The following CPM variants were observed in gnomAD, a reference collection of about 807,000 sequenced individuals.
The protein encoded by CPM is carboxypeptidase M.
Under a neutral mutation model 46.4 loss-of-function variants are expected in CPM, and 35 were observed. The ratio of observed to expected loss-of-function variants is 0.75; its 90% CI spans 0.58 to 1.00. CPM has a LOEUF of 1.00. Ranked by LOEUF, CPM falls within the 50% of genes least tolerant of loss-of-function variation. CPM has a pLI of 0.00. For missense variants in CPM, 422 were observed against 530.4 expected, an observed-to-expected ratio of 0.80 and a Z score of 2.01; for synonymous variants, 195 against 195.3, an observed-to-expected ratio of 1.00 and a Z score of 0.01.
At chr12:68,875,603 C>T (rs574816332) in intron 3 of CPM, among the ~76,000 whole-genome samples, 7 of 151,752 alleles carry the variant, frequency 4.6e-5, no homozygotes, top group South Asian at 2.1e-4. Context: ...GTAGGGAGTT[C>T]GAGACGAGCC....
intron 7 of CPM, among the ~76,000 whole-genome samples, chr12:68,859,952 A>C (rs556509688): frequency 1.3e-5 from 2 of 152,306 alleles, no homozygotes; most frequent in South Asian, 4.1e-4. Context: ...CAATAACATA[A>C]ATGAGAATGA....
upstream of CPM, among the ~76,000 whole-genome samples, chr12:68,937,589 C>G (rs1278588875): frequency 2.6e-5 from 4 of 151,608 alleles, no homozygotes; most frequent in Non-Finnish European, 5.9e-5. Context: ...TGTAGATCTG[C>G]ATTTATTCAC....
At chr12:68,858,736 T>G (rs1442683698) in intron 8 of CPM, among the ~76,000 whole-genome samples, 187 bp downstream of exon 8, 1 of 151,446 alleles carries the variant, frequency 6.6e-6, no homozygotes, top group African/African-American at 2.4e-5. Context: ...TTTTGTGGTT[T>G]TTTTTTTTTT....
intron 1 of CPM, among the ~76,000 whole-genome samples, chr12:68,944,717 G>T (rs201337803): frequency 3.4e-4 from 50 of 148,532 alleles, no homozygotes; most frequent in Admixed American, 4.7e-4. Flanking sequence ...CTTGTTTTTT[G>T]TTTTTTTTTT....
At chr12:68,928,285 C>T (rs532002730) in intron 2 of CPM, among the ~76,000 whole-genome samples, 19 of 152,218 alleles carry the variant, frequency 1.2e-4, no homozygotes, top group South Asian at 6.2e-4. Flanking sequence ...ATTCCCTATT[C>T]AATAAATGGT....
chr12:68,928,062 A>C (rs1295096568), intron 2 of CPM, among the ~76,000 whole-genome samples: 9 of 152,254 alleles, frequency 5.9e-5, no homozygotes, highest in Non-Finnish European at 1.3e-4. Flanking sequence ...CGCATTGCCA[A>C]GTCAGTCCTA....
At chr12:68,909,705 A>C (rs1887501228) in intron 2 of CPM, among the ~76,000 whole-genome samples, 1 of 152,088 alleles carries the variant, frequency 6.6e-6, no homozygotes, top group Non-Finnish European at 1.5e-5. Context: ...TGAAGCTGGA[A>C]ACCATCATTC....
chr12:68,884,228 T>C (rs909477044), intron 3 of CPM, among the ~76,000 whole-genome samples: 1 of 152,124 alleles, frequency 6.6e-6, no homozygotes, highest in Non-Finnish European at 1.5e-5. Context: ...GAACAGTTGT[T>C]TTATTAAAAC....
chr12:68,876,888 G>A (rs564464861), intron 3 of CPM, among the ~76,000 whole-genome samples: 35 of 111,842 alleles, frequency 3.1e-4, no homozygotes, highest in Non-Finnish European at 4.7e-4. Context: ...GTGTGCACGC[G>A]CATGCGTGTG....
chr12:68,902,502 G>A (rs537544989), intron 2 of CPM, among the ~76,000 whole-genome samples: 136 of 152,198 alleles, frequency 8.9e-4, no homozygotes, highest in African/African-American at 3.2e-3. Flanking sequence ...TATTGGTTTC[G>A]GACTTTTCCA....
chr12:68,871,565 A>AGGCTAG lies in CPM; in HGVS notation c.431+213_431+218dup, dbSNP rs1276148038. The AGGCTAG allele has an allele frequency of 1.1e-5, 6 of 536,976 alleles. No homozygotes were observed. The African/African-American group carries it at 1.1e-4, about 10-fold the overall frequency. 33.3% of individuals were successfully genotyped at this position (536,976 alleles called of 1,614,324 possible). On this transcript the variant is annotated intron_variant, in intron 4 of 8. Transcript: ENST00000551568. ...GAAGGAGTGGCAAATGAAGATGGAGAGGCTAGGTGGGCACCGGGGCAAAGT... is the reference window on the plus strand; with the variant it reads ...GAAGGAGTGGCAAATGAAGATGGAGAGGCTAGGGCTAGGTGGGCACCGGGGCAAAGT...
At chr12:68,955,273 A>G (rs1278396857) in intron 1 of CPM, among the ~76,000 whole-genome samples, 1 of 152,252 alleles carries the variant, frequency 6.6e-6, no homozygotes, top group Non-Finnish European at 1.5e-5. Context: ...GATTGTGGAT[A>G]TAATTTTAAA....
At chr12:68,872,008 A>G in intron 3 of CPM, 52 bp from the exon 4 acceptor site, 1 of 1,590,066 alleles carries the variant, frequency 6.3e-7, no homozygotes, top group Non-Finnish European at 8.6e-7. Flanking sequence ...GGCAATAAGG[A>G]AAGCACTCCC....
chr12:68,952,326 G>A (rs1744572274), intron 1 of CPM, among the ~76,000 whole-genome samples: 1 of 152,166 alleles, frequency 6.6e-6, no homozygotes, highest in Admixed American at 6.5e-5. Context: ...CCAGTATGAG[G>A]TTACTTTGTT....
At chr12:68,893,854 G>T (rs1203444129) in intron 2 of CPM, among the ~76,000 whole-genome samples, 1 of 152,162 alleles carries the variant, frequency 6.6e-6, no homozygotes, top group Non-Finnish European at 1.5e-5. Flanking sequence ...GGTCCCCAGG[G>T]GTTCTGCGTG....
intron 1 of CPM, among the ~76,000 whole-genome samples, chr12:68,949,416 AGATAAG>A (rs1454929305): frequency 6.6e-6 from 1 of 152,226 alleles, no homozygotes; most frequent in African/African-American, 2.4e-5. Flanking sequence ...GGAGCCCAGT[AGATAAG>A]GATTCAAATT....
In CPM at chr12:68,853,142, A is replaced by AAGAG. The variant is rs1884801500; in HGVS notation, c.*3291_*3294dup. The AAGAG allele has an allele frequency of 1.3e-5, 2 of 152,224 alleles. No homozygotes were observed. Among genetic ancestry groups the AAGAG allele is most frequent in the Admixed American group, 1.3e-4 (2 of 15,288 alleles). 9.4% of individuals were successfully genotyped at this position (152,224 alleles called of 1,614,324 possible). On this transcript the variant is annotated 3_prime_UTR_variant, in exon 9 of 9. Coordinates refer to ENST00000551568, the MANE Select transcript of CPM (RefSeq NM_198320.5). Reference sequence around the variant, plus strand: ...TTCTGATTTTAAAAACTATTTCAGCAAGAGATTTACATTAAGGCTCATGAA... The same window carrying AAGAG: ...TTCTGATTTTAAAAACTATTTCAGCAAGAGAGAGATTTACATTAAGGCTCATGAA...
At chr12:68,873,044 T>A (rs1397253558) in intron 3 of CPM, among the ~76,000 whole-genome samples, 1 of 152,212 alleles carries the variant, frequency 6.6e-6, no homozygotes, top group Non-Finnish European at 1.5e-5. Context: ...AAGATCTGCT[T>A]AGACTACATC....
chr12:68,863,613 G>T lies in CPM; in HGVS notation c.940+3283C>A, dbSNP rs566381772. 5.9e-5 allele frequency among the ~76,000 whole-genome samples: 9 copies of T among 152,302 alleles called. No individual in the cohort carries two copies. The South Asian group carries it at 1.5e-3, about 25-fold the overall frequency. ...CTGATGCTATTACTCTCAACTTTCT[G>T]TTGACTACACTGAGATTCAGACAAG... On this transcript the variant is annotated intron_variant, in intron 7 of 8. Coordinates refer to ENST00000551568, the MANE Select transcript of CPM (RefSeq NM_198320.5).
Sources: allele counts gnomAD v4.1 joint callset (sites outside exome capture counted in the v4.1 genomes callset), GRCh38; gene constraint gnomAD v4.1.1; transcripts MANE v1.5; gene names NCBI Gene and HGNC (gene_info 2026-07-23, HGNC 2026-07-21).